CCDC73: variants seen among roughly 807,000 people sequenced by gnomAD.
CCDC73 encodes the protein coiled-coil domain containing 73, also known as coiled-coil domain-containing protein 73.
Under a neutral mutation model 116.5 loss-of-function variants are expected in CCDC73, and 95 were observed. The ratio of observed to expected loss-of-function variants is 0.82; its 90% confidence interval spans 0.69 to 0.97. The LOEUF (loss-of-function observed/expected upper bound fraction) is 0.97, where lower values mean the gene tolerates loss of function less well. Ranked by LOEUF, CCDC73 falls within the 50% of genes least tolerant of loss-of-function variation. The probability of loss-of-function intolerance (pLI) is 0.00; values close to 1 mark genes in which losing one functional copy is unlikely to be tolerated. For missense variants in CCDC73, 1,066 were observed against 1,206.8 expected, an observed-to-expected ratio of 0.88 and a Z score of 1.73; for synonymous variants, 398 against 401.3, an observed-to-expected ratio of 0.99 and a Z score of 0.10.
At chr11:32,732,982 TAA>T (rs2133347410) in intron 2 of CCDC73, among the ~76,000 whole-genome samples, 1 of 152,158 alleles carries the variant, frequency 6.6e-6, no homozygotes, top group East Asian at 1.9e-4. Context: ...GCAAATTGGA[TAA>T]AGAGTCAAGA....
At chr11:32,644,383 C>T (rs902518389) in intron 12 of CCDC73, among the ~76,000 whole-genome samples, 4 of 152,134 alleles carry the variant, frequency 2.6e-5, no homozygotes, top group Non-Finnish European at 4.4e-5. Context: ...TACTTATTAC[C>T]TGGGTGATGA....
Position 32,771,928 on chromosome 11 carries a change from T to A in CCDC73, c.-15-11670A>T, listed in dbSNP as rs183937928. Among the ~76,000 whole-genome samples the A allele has an allele frequency of 2.0e-5, 3 of 152,322 alleles. No individual in the cohort carries two copies. The East Asian group carries it at 5.8e-4, about 29-fold the overall frequency. ...TGAAAATGTTGCTCTGAACCTGCCA[T>A]GCCATGTTATACAAAGAACGAGAAG... is the stretch of plus-strand genomic sequence containing the variant. On this transcript the variant is annotated intron_variant, in intron 1 of 17. Coordinates refer to ENST00000335185, the MANE Select transcript of CCDC73 (RefSeq NM_001008391.4).
chr11:32,814,620 A>G, the CCDC73 span, among the ~76,000 whole-genome samples: 1 of 152,374 alleles, frequency 6.6e-6, no homozygotes, highest in East Asian at 1.9e-4. Flanking sequence ...ACAGCATGGC[A>G]GTTCCATAAA....
intron 14 of CCDC73, among the ~76,000 whole-genome samples, chr11:32,625,113 T>G (rs2133231935): frequency 6.6e-6 from 1 of 152,326 alleles, no homozygotes; most frequent in East Asian, 1.9e-4. Context: ...CCTGCCTTTT[T>G]TTGTTTTCCA....
chr11:32,632,234 T>C (rs1176079682), intron 14 of CCDC73, among the ~76,000 whole-genome samples: 2 of 152,186 alleles, frequency 1.3e-5, no homozygotes, highest in African/African-American at 4.8e-5. Flanking sequence ...TTTTGTTGTT[T>C]GTTTTCTTTG....
chr11:32,798,911 G>GT (rs1850749159), upstream of CCDC73, among the ~76,000 whole-genome samples: 1 of 94,678 alleles, frequency 1.1e-5, no homozygotes, highest in African/African-American at 3.8e-5. Flanking sequence ...TTGTTTGTTT[G>GT]TTTTGGGGGG....
the CCDC73 span, among the ~76,000 whole-genome samples, chr11:32,815,691 TG>T: frequency 6.6e-6 from 1 of 152,214 alleles, no homozygotes; most frequent in Non-Finnish European, 1.5e-5. Flanking sequence ...GGAAAAGAGA[TG>T]GTAAGTGTTT....
chr11:32,702,938 G>A lies in CCDC73; in HGVS notation c.214C>T (p.Leu72Phe), dbSNP rs959113377. The change falls in exon 4 of 18, where the codon CTT becomes TTT. Residue 72 changes from leucine (L) to phenylalanine (F), a missense_variant. Leu to Phe is a conservative substitution (Grantham distance 22). Transcript: ENST00000335185. ...TQELKWQKET[L>F]QNQKETLAEQ... ...GCCAATGTTTCCTTTTGATTCTGAA[G>A]AGTTTCCTGTTTTAAAAATTATGAC... 5.0e-6 allele frequency: 8 copies of A among 1,610,566 alleles called. No individual in the cohort carries two copies. The highest frequency in any genetic ancestry group is 6.8e-6 in the Non-Finnish European group (8 of 1,177,036).
chr11:32,829,778 G>C, the CCDC73 span: 3 of 985,414 alleles, frequency 3.0e-6, no homozygotes, highest in Non-Finnish European at 3.6e-6. Context: ...TGGCCCGCCC[G>C]GGGATGGGGC....
At chr11:32,664,946 GT>G (rs1304519167) in intron 9 of CCDC73, among the ~76,000 whole-genome samples, 8 of 152,208 alleles carry the variant, frequency 5.3e-5, no homozygotes, top group Non-Finnish European at 1.0e-4. Context: ...AGGTTGTTCA[GT>G]TTCCATGTAG....
chr11:32,754,142 T>A (rs1286202925), intron 2 of CCDC73, among the ~76,000 whole-genome samples: 2 of 152,232 alleles, frequency 1.3e-5, no homozygotes, highest in Non-Finnish European at 2.9e-5. Context: ...TCATGCATTT[T>A]TCTTAAATAT....
At chr11:32,639,535 C>G (rs916751017) in intron 13 of CCDC73, among the ~76,000 whole-genome samples, 1 of 151,886 alleles carries the variant, frequency 6.6e-6, no homozygotes, top group African/African-American at 2.4e-5. Flanking sequence ...CTGCAACCTC[C>G]ACCTCCTGGG....
intron 1 of CCDC73, among the ~76,000 whole-genome samples, chr11:32,773,133 C>T (rs997101170): frequency 6.6e-6 from 1 of 152,022 alleles, no homozygotes; most frequent in African/African-American, 2.4e-5. Flanking sequence ...CATGGATGAA[C>T]CTTGAAAATG....
At chr11:32,633,143 T>C (rs1371459176) in intron 14 of CCDC73, among the ~76,000 whole-genome samples, 1 of 152,162 alleles carries the variant, frequency 6.6e-6, no homozygotes, top group Non-Finnish European at 1.5e-5. Flanking sequence ...AATCTCTGCC[T>C]CCCAGGTTCA....
intron 1 of CCDC73, among the ~76,000 whole-genome samples, chr11:32,780,550 A>T (rs1054189665): frequency 6.6e-6 from 1 of 152,198 alleles, no homozygotes; most frequent in Non-Finnish European, 1.5e-5. Context: ...ATGTTAACGG[A>T]TGTTTACAAC....
chr11:32,695,689 TTAACTA>T (rs1201463142), intron 6 of CCDC73, among the ~76,000 whole-genome samples: 2 of 142,250 alleles, frequency 1.4e-5, no homozygotes, highest in African/African-American at 4.9e-5. Context: ...ACCGTGATTA[TTAACTA>T]TAAGTGTGTG....
At chr11:32,769,350 T>C (rs556546717) in intron 1 of CCDC73, among the ~76,000 whole-genome samples, 1 of 152,302 alleles carries the variant, frequency 6.6e-6, no homozygotes, top group Admixed American at 6.5e-5. Flanking sequence ...GCTGTCTGTC[T>C]GAAAAGTCTG....
chr11:32,759,355 G>C (rs1850370960), intron 2 of CCDC73, among the ~76,000 whole-genome samples: 1 of 131,240 alleles, frequency 7.6e-6, no homozygotes, highest in African/African-American at 2.9e-5. Context: ...TCTTGAGATA[G>C]AGTCTTGCTC....
At chr11:32,779,154 C>T (rs1430844089) in intron 1 of CCDC73, among the ~76,000 whole-genome samples, 2 of 149,938 alleles carry the variant, frequency 1.3e-5, no homozygotes, top group Non-Finnish European at 3.0e-5. Context: ...CTGGGAAGAC[C>T]AAAACACCTA....
Sources: gnomAD v4.1 joint callset for allele counts (sites outside exome capture counted in the v4.1 genomes callset) on GRCh38, gnomAD v4.1.1 for gene constraint, MANE v1.5 for transcripts, NCBI Gene and HGNC (gene_info 2026-07-23, HGNC 2026-07-21) for gene names.